The following WDR26 variants were observed in gnomAD, a reference collection of about 807,000 sequenced individuals.
WDR26 encodes the protein WD repeat domain 26.
A neutral mutation model predicts 84.1 loss-of-function variants in WDR26; 5 were observed. That is an observed-to-expected ratio of 0.06 (90% CI 0.03 to 0.13). The LOEUF is 0.13. Ranked by LOEUF, WDR26 falls within the 10% of genes least tolerant of loss-of-function variation. WDR26 has a pLI of 1.00. For missense variants in WDR26, 642 were observed against 974.9 expected, an observed-to-expected ratio of 0.66 and a Z score of 4.55; for synonymous variants, 415 against 389.6, an observed-to-expected ratio of 1.07 and a Z score of -0.77.
intron 6 of WDR26, among the ~76,000 whole-genome samples, chr1:224,414,942 G>A (rs1412777781): frequency 6.6e-6 from 1 of 152,230 alleles, no homozygotes; most frequent in Non-Finnish European, 1.5e-5. Flanking sequence ...GGGAGTTCAA[G>A]GCTGCTGTGA....
chr1:224,396,004 G>A lies in WDR26; in HGVS notation c.2075-1991C>T, dbSNP rs116203648. Reference sequence around the variant, plus strand: ...TGGCACTTATATATTTGGGGATTTGGAGGGTCATTGAAATATATTCCTTAC... The same window carrying A: ...TGGCACTTATATATTTGGGGATTTGAAGGGTCATTGAAATATATTCCTTAC... On this transcript the variant is annotated intron_variant, in intron 12 of 13. Transcript: ENST00000414423. Among the ~76,000 whole-genome samples the A allele has an allele frequency of 5.3e-3, 804 of 152,312 alleles. 12 individuals carry two copies. Among genetic ancestry groups the A allele is most frequent in the African/African-American group, 0.018 (761 of 41,558 alleles).
Position 224,386,122 on chromosome 1 carries a change from A to C in WDR26, c.*3713T>G, listed in dbSNP as rs1416352231. On this transcript the variant is annotated 3_prime_UTR_variant, in exon 14 of 14. Transcript: ENST00000414423. ...AACAATAGCTTAACAACACTGAAAAATTTCAATTAAGTTCACCCTGTTTTT... is the reference window on the plus strand; with the variant it reads ...AACAATAGCTTAACAACACTGAAAACTTTCAATTAAGTTCACCCTGTTTTT... The C allele has an allele frequency of 6.6e-6, 1 of 152,596 alleles. No individual in the cohort carries two copies. The highest frequency in any genetic ancestry group is 1.5e-5 in the Non-Finnish European group (1 of 68,014). 9.5% of individuals were successfully genotyped at this position (152,596 alleles called of 1,614,324 possible).
chr1:224,410,281 CA>C (rs10707541), intron 7 of WDR26, among the ~76,000 whole-genome samples: 57,572 of 102,618 alleles, frequency 0.56, 14,373 homozygotes, highest in East Asian at 0.83. Flanking sequence ...GACTTTGTCT[CA>C]AAAAAAAAAA....
At chr1:224,420,567 C>T (rs1674031053) in intron 4 of WDR26, among the ~76,000 whole-genome samples, 1 of 152,158 alleles carries the variant, frequency 6.6e-6, no homozygotes, top group South Asian at 2.1e-4. Flanking sequence ...ACATGAGTAT[C>T]ATCACTCCCT....
At chr1:224,427,540 T>A (rs1490653123) in intron 3 of WDR26, among the ~76,000 whole-genome samples, 2 of 152,292 alleles carry the variant, frequency 1.3e-5, no homozygotes, top group East Asian at 1.9e-4. Context: ...TATTTCTGTA[T>A]ATACAGGGAA....
rs572563751 is a variant in WDR26, at chr1:224,394,092, C to T, written c.2075-79G>A. ...GATCTTAAATTTATCATTCACTACA[C>T]ACAGGACTCTTTACTAGAACTTAAA... On this transcript the variant is annotated intron_variant, in intron 12 of 13. Transcript: ENST00000414423. 8 of 1,101,834 alleles carry T rather than the reference C, an allele frequency of 7.3e-6. No homozygotes were observed. The South Asian group carries it at 1.5e-4, about 21-fold the overall frequency. The allele number at this position is 1,101,834 out of a possible 1,614,324, so 68.3% of individuals were successfully genotyped here.
chr1:224,404,330 G>T, intron 8 of WDR26, 100 bp downstream of exon 8: 2 of 1,382,202 alleles, frequency 1.4e-6, no homozygotes, highest in Non-Finnish European at 1.9e-6. Flanking sequence ...AGTAATTTAG[G>T]TTGAATGGTT....
Position 224,434,204 on chromosome 1 carries a change from C to CGGAGGAGGAGGAGGA in WDR26, c.187_201dup (p.Ser63_Ser67dup), listed in dbSNP as rs144531645. 1.6e-5 allele frequency: 21 copies of CGGAGGAGGAGGAGGA among 1,342,508 alleles called. No homozygotes were observed. The South Asian group carries it at 2.6e-4, about 17-fold the overall frequency. 83.2% of individuals were successfully genotyped at this position (1,342,508 alleles called of 1,614,324 possible). On this transcript the variant is annotated inframe_insertion, in exon 1 of 14. Coordinates refer to ENST00000414423, the MANE Select transcript of WDR26 (RefSeq NM_001379403.1). ...GGGGGAAGTCCCACCACTACCACCA[C>CGGAGGAGGAGGAGGA]GGAGGAGGAGGAGGAGGAGGAGGAC...
intron 6 of WDR26, among the ~76,000 whole-genome samples, chr1:224,417,227 A>G (rs904613073): frequency 3.3e-5 from 5 of 152,194 alleles, no homozygotes; most frequent in African/African-American, 1.2e-4. Context: ...CCTCATACTT[A>G]ATATGTTTTT....
chr1:224,394,560 A>G (rs1673208434), intron 12 of WDR26, among the ~76,000 whole-genome samples: 1 of 150,626 alleles, frequency 6.6e-6, no homozygotes, highest in South Asian at 2.1e-4. Context: ...GCTGGAGCGC[A>G]GTGGCAATAT....
intron 7 of WDR26, among the ~76,000 whole-genome samples, chr1:224,408,461 T>C (rs188249286): frequency 6.6e-5 from 10 of 152,320 alleles, no homozygotes; most frequent in South Asian, 2.1e-4. Context: ...ACACTGCTAC[T>C]AGGAAAAACT....
rs1180650780 is a variant in WDR26 at position 224,404,558 on chromosome 1, G to A, written c.1471C>T (p.Leu491=). 20 of 1,612,688 alleles carry A rather than the reference G, an allele frequency of 1.2e-5. No individual in the cohort carries two copies. Among genetic ancestry groups the A allele is most frequent in the Non-Finnish European group, 1.7e-5 (20 of 1,179,332 alleles). The change falls in exon 8 of 14, where the codon CTA becomes TTA. Residue 491 remains leucine (L), a synonymous_variant. Coordinates refer to ENST00000414423, the MANE Select transcript of WDR26 (RefSeq NM_001379403.1). ...CCTTCTAATGTTTTAAGCAGTTTTA[G>A]CAGGTGTGTATCCTGGGAGGGAAAA...
intron 6 of WDR26, among the ~76,000 whole-genome samples, chr1:224,411,921 A>C (rs976400588): frequency 1.3e-5 from 2 of 152,000 alleles, no homozygotes; most frequent in Non-Finnish European, 2.9e-5. Flanking sequence ...GTATTGCTTG[A>C]GCCTGGGAGT....
At chr1:224,410,746 G>A (rs1029690477) in intron 7 of WDR26, among the ~76,000 whole-genome samples, 4 of 121,322 alleles carry the variant, frequency 3.3e-5, no homozygotes, top group African/African-American at 1.0e-4. Flanking sequence ...GCCCAGCCTT[G>A]AGTGTGCAGT....
Position 224,404,414 on chromosome 1 carries a change from G to T in WDR26, c.1599+16C>A. 1 of 1,611,540 alleles carries T rather than the reference G, an allele frequency of 6.2e-7. No individual in the cohort carries two copies. The highest frequency in any genetic ancestry group is 1.1e-5 in the South Asian group (1 of 90,434). ...TGCTGTACTTAAAAGCTCAACCAAA[G>T]ATGGAACTCGCTCACTTGTACATTC... On this transcript the variant is annotated intron_variant, in intron 8 of 13. Coordinates refer to ENST00000414423, the MANE Select transcript of WDR26 (RefSeq NM_001379403.1).
At chr1:224,399,099 C>CA in intron 9 of WDR26, 65 bp from the exon 10 acceptor site, 10 of 1,383,900 alleles carry the variant, frequency 7.2e-6, no homozygotes, top group Non-Finnish European at 9.5e-6. Flanking sequence ...AATAAAGAAC[C>CA]AAAAGACTCC....
chr1:224,423,255 G>A (rs1410387435), intron 4 of WDR26, among the ~76,000 whole-genome samples: 1 of 151,962 alleles, frequency 6.6e-6, no homozygotes, highest in Non-Finnish European at 1.5e-5. Flanking sequence ...AATTTCCTTG[G>A]CTAGAACCTC....
intron 13 of WDR26, 29 bp from the exon 14 acceptor site, chr1:224,389,889 G>C (rs754884049): frequency 5.9e-6 from 8 of 1,346,584 alleles, no homozygotes; most frequent in Non-Finnish European, 8.1e-6. Context: ...AAATGTATGG[G>C]GGGCGGGCGG....
At chr1:224,412,131 A>G (rs1201188521) in intron 6 of WDR26, among the ~76,000 whole-genome samples, 8 of 152,218 alleles carry the variant, frequency 5.3e-5, no homozygotes, top group Admixed American at 3.9e-4. Flanking sequence ...ACATCTACAA[A>G]AGGAGATTAG....
Sources: allele counts gnomAD v4.1 joint callset (sites outside exome capture counted in the v4.1 genomes callset), GRCh38; gene constraint gnomAD v4.1.1; transcripts MANE v1.5; gene names NCBI Gene and HGNC (gene_info 2026-07-23, HGNC 2026-07-21).